The following DHDDS variants were observed in gnomAD, a reference collection of about 807,000 sequenced individuals.
DHDDS encodes the protein dehydrodolichyl diphosphate synthase complex subunit DHDDS.
A neutral mutation model predicts 46.2 loss-of-function variants in DHDDS; 16 were observed. The ratio of observed to expected loss-of-function variants is 0.35; its 90% CI spans 0.23 to 0.53. The LOEUF is 0.53. Ranked by LOEUF, DHDDS falls within the 20% of genes least tolerant of loss-of-function variation. The pLI is 0.94. For missense variants in DHDDS, 340 were observed against 423.7 expected (o/e 0.80, Z 1.73); for synonymous variants, 151 against 163.1 (o/e 0.93, Z 0.56).
At position 26,469,152 on chromosome 1, in the gene DHDDS, C is replaced by G; in HGVS notation, c.*21C>G. On this transcript the variant is annotated 3_prime_UTR_variant, in exon 9 of 9. Transcript: ENST00000236342. Reference sequence around the variant, plus strand: ...CCTGAATGAGGCTGGCCACCTGCCACTTTGCCCTGCCCTCTGCCTCCAGGG... The same window carrying G: ...CCTGAATGAGGCTGGCCACCTGCCAGTTTGCCCTGCCCTCTGCCTCCAGGG... 1 of 1,611,754 alleles carries G rather than the reference C, an allele frequency of 6.2e-7. No individual in the cohort carries two copies. Among genetic ancestry groups the G allele is most frequent in the Non-Finnish European group, 8.5e-7 (1 of 1,180,042 alleles).
intron 8 of DHDDS, chr1:26,467,343 C>T (rs1429679259): frequency 4.2e-6 from 2 of 471,604 alleles, no homozygotes; most frequent in Non-Finnish European, 4.4e-6. Flanking sequence ...TCCAGCAAGA[C>T]GGAGAGCTCT....
chr1:26,449,131 G>A (rs1424075927), intron 6 of DHDDS, among the ~76,000 whole-genome samples: 3 of 150,268 alleles, frequency 2.0e-5, no homozygotes, highest in Admixed American at 6.6e-5. Context: ...ATGGAGTCTC[G>A]CTCTGTCTCC....
intron 2 of DHDDS, among the ~76,000 whole-genome samples, chr1:26,436,030 G>T (rs541858163): frequency 6.6e-6 from 1 of 151,598 alleles, no homozygotes; most frequent in Non-Finnish European, 1.5e-5. Flanking sequence ...GATTACAGAC[G>T]TGAGCCACTG....
At chr1:26,465,129 A>G (rs1281340187) in intron 8 of DHDDS, among the ~76,000 whole-genome samples, 1 of 152,182 alleles carries the variant, frequency 6.6e-6, no homozygotes, top group Non-Finnish European at 1.5e-5. Context: ...CTCAATCACA[A>G]GTTGCATGGA....
In DHDDS at chr1:26,457,229, G is replaced by C. The variant is rs536047202; in HGVS notation, c.543-562G>C. On this transcript the variant is annotated intron_variant, in intron 6 of 8. Transcript: ENST00000236342. Reference sequence around the variant, plus strand: ...ATCCCAGCACTTTCAGAGGCCGAGGGGGGGGCGGATCACGAGGTCAGGAGA... The same window carrying C: ...ATCCCAGCACTTTCAGAGGCCGAGGCGGGGGCGGATCACGAGGTCAGGAGA... 1.8e-4 allele frequency among the ~76,000 whole-genome samples: 28 copies of C among 151,720 alleles called. 1 individual carries two copies. The highest frequency in any genetic ancestry group is 1.7e-3 in the East Asian group (9 of 5,168).
intron 8 of DHDDS, among the ~76,000 whole-genome samples, chr1:26,468,334 A>G (rs1411407787): frequency 1.3e-5 from 2 of 152,106 alleles, no homozygotes; most frequent in African/African-American, 4.8e-5. Context: ...CTCAGAGGAA[A>G]ACCTGGGGAG....
In DHDDS at chr1:26,447,701, A is replaced by G. The variant is rs764232401; in HGVS notation, c.542+41A>G. The G allele has an allele frequency of 3.9e-5, 61 of 1,570,946 alleles. No individual in the cohort carries two copies. In the East Asian group the frequency reaches 1.3e-3, roughly 34 times the overall value. ...TTGCATGGTAATTGTTAAGGAAAAC[A>G]GGCCTGGGCCAGCATGGCAGCTCAC... On this transcript the variant is annotated intron_variant, in intron 6 of 8. Coordinates refer to ENST00000236342, the MANE Select transcript of DHDDS (RefSeq NM_205861.3).
At chr1:26,437,603 G>A (rs2075173151) in intron 2 of DHDDS, among the ~76,000 whole-genome samples, 1 of 151,908 alleles carries the variant, frequency 6.6e-6, no homozygotes, top group South Asian at 2.1e-4. Flanking sequence ...CCCGAGTAGA[G>A]TAGCTGGGAC....
chr1:26,454,775 G>A lies in DHDDS; in HGVS notation c.543-3016G>A, dbSNP rs546428281. 5.7e-5 allele frequency: 91 copies of A among 1,584,344 alleles called. No homozygotes were observed. The African/African-American group carries it at 1.1e-3, about 20-fold the overall frequency. ...AATGTGGCAGGGAGAGCTCATGGAT[G>A]GGTTAATCCAACCATGAGCTCTGTA... On this transcript the variant is annotated intron_variant, in intron 6 of 8. Transcript: ENST00000236342.
chr1:26,456,720 C>A (rs1419678849), intron 6 of DHDDS, among the ~76,000 whole-genome samples: 1 of 152,194 alleles, frequency 6.6e-6, no homozygotes, highest in Non-Finnish European at 1.5e-5. Flanking sequence ...TAAATTCAAA[C>A]AATAACAGAA....
intron 8 of DHDDS, 81 bp from the exon 9 acceptor site, chr1:26,468,814 C>A (rs2075519566): frequency 3.6e-6 from 5 of 1,401,200 alleles, no homozygotes; most frequent in East Asian, 5.1e-5. Context: ...ACCCTGTGCC[C>A]CACCCCCTAC....
chr1:26,468,910 T>C lies in DHDDS; in HGVS notation c.781T>C (p.Tyr261His). The change falls in exon 9 of 9, where the codon TAT becomes CAT. Residue 261 changes from tyrosine to histidine, a missense_variant. Tyr to His is a moderately conservative substitution (Grantham distance 83). Transcript: ENST00000236342. ...HSVLQKARDM[Y>H]AEERKRQQLE... ...TCTCTAGCAGAAGGCCCGAGACATG[T>C]ATGCAGAGGAGCGGAAGAGGCAGCA... 6.2e-7 allele frequency: 1 copy of C among 1,613,456 alleles called. No individual in the cohort carries two copies.
intron 6 of DHDDS, chr1:26,454,627 G>A (rs2075353861): frequency 9.3e-7 from 1 of 1,074,458 alleles, no homozygotes; most frequent in Admixed American, 1.9e-5. Context: ...TTATTTTAAT[G>A]CTGAATTTAC....
chr1:26,463,272 G>C (rs2075444136), intron 8 of DHDDS: 1 of 152,150 alleles, frequency 6.6e-6, no homozygotes, highest in South Asian at 2.1e-4. Context: ...GGAAGGGGAG[G>C]AGTGAAGACG....
chr1:26,455,612 T>A (rs1396698183), intron 6 of DHDDS, among the ~76,000 whole-genome samples: 2 of 152,170 alleles, frequency 1.3e-5, no homozygotes, highest in South Asian at 2.1e-4. Flanking sequence ...CCGGGTGTGG[T>A]GGTGGCTGCC....
At chr1:26,446,588 C>T (rs1201720869) in intron 5 of DHDDS, among the ~76,000 whole-genome samples, 156 bp downstream of exon 5, 1 of 152,160 alleles carries the variant, frequency 6.6e-6, no homozygotes, top group East Asian at 1.9e-4. Flanking sequence ...CTGCAGGGCA[C>T]ACCAGACATG....
intron 8 of DHDDS, chr1:26,466,256 T>C (rs2075485050): frequency 6.6e-6 from 1 of 152,186 alleles, no homozygotes; most frequent in Admixed American, 6.5e-5. Context: ...GAGAGAAAAG[T>C]TGACCTCTAG....
chr1:26,454,228 C>T (rs1313670769), intron 6 of DHDDS, among the ~76,000 whole-genome samples: 2 of 152,172 alleles, frequency 1.3e-5, no homozygotes, highest in Non-Finnish European at 2.9e-5. Flanking sequence ...GCTGGGATTA[C>T]AGGCGTGAGC....
At chr1:26,450,886 C>T (rs951806679) in intron 6 of DHDDS, among the ~76,000 whole-genome samples, 29 of 152,080 alleles carry the variant, frequency 1.9e-4, no homozygotes, top group African/African-American at 6.3e-4. Flanking sequence ...TTCAAATATT[C>T]TTGTATGTAT....
Sources: allele counts gnomAD v4.1 joint callset (sites outside exome capture counted in the v4.1 genomes callset), GRCh38; gene constraint gnomAD v4.1.1; transcripts MANE v1.5; gene names NCBI Gene and HGNC (gene_info 2026-07-23, HGNC 2026-07-21).